Variants in ZNF804A observed in about 807,000 individuals in gnomAD.
ZNF804A encodes the protein zinc finger protein 804A.
Under a neutral mutation model 16.5 loss-of-function variants are expected in ZNF804A, and 2 were observed. That is an observed-to-expected ratio of 0.12 (90% confidence interval 0.05 to 0.38). The LOEUF is 0.38. ZNF804A is among the 10% of genes least tolerant of loss of function. The pLI is 0.99. For synonymous variants in ZNF804A, 534 were observed against 489.6 expected (o/e 1.09, Z -1.20); for missense variants, 1,473 against 1,390.7 (o/e 1.06, Z -0.94).
chr2:184,794,235 A>T (rs2369596), intron 1 of ZNF804A, among the ~76,000 whole-genome samples: 50,682 of 151,756 alleles, frequency 0.33, 11,836 homozygotes, highest in African/African-American at 0.67. Flanking sequence ...CAACATCTAA[A>T]TTTTTAATTT....
At chr2:184,827,455 T>TG in intron 1 of ZNF804A, among the ~76,000 whole-genome samples, 1 of 146,522 alleles carries the variant, frequency 6.8e-6, no homozygotes, top group South Asian at 2.1e-4. Context: ...TAAATATAAA[T>TG]ATATTTATAT....
chr2:184,745,324 C>T (rs1488352075), intron 1 of ZNF804A, among the ~76,000 whole-genome samples: 14 of 151,690 alleles, frequency 9.2e-5, no homozygotes, highest in Admixed American at 7.3e-4. Flanking sequence ...CTGGAACAAT[C>T]ATATGGATGG....
At chr2:184,851,865 C>G (rs1424048470) in intron 1 of ZNF804A, among the ~76,000 whole-genome samples, 1 of 151,564 alleles carries the variant, frequency 6.6e-6, no homozygotes, top group Non-Finnish European at 1.5e-5. Flanking sequence ...TTGTGTTTTG[C>G]TAACAGACAT....
Position 184,937,748 on chromosome 2 carries a change from T to C in ZNF804A, c.2352T>C (p.Ser784=). The part of the protein sequence containing the change: ...QHSHSYSSDE[S]LNRQNHLPEE... ...CACATTCTTATTCTTCAGATGAAAG[T>C]TTAAATCGACAGAATCATTTACCAG... Residue 784 remains serine (S), a synonymous_variant, in exon 4 of 4, where the codon AGT becomes AGC. Transcript: ENST00000302277. The C allele has an allele frequency of 6.2e-7, 1 of 1,614,042 alleles. No homozygotes were observed. The highest frequency in any genetic ancestry group is 8.5e-7 in the Non-Finnish European group (1 of 1,179,970).
intron 1 of ZNF804A, among the ~76,000 whole-genome samples, chr2:184,715,695 C>A (rs1213153262): frequency 6.6e-6 from 1 of 152,034 alleles, no homozygotes; most frequent in Admixed American, 6.6e-5. Flanking sequence ...GCTACTGTAC[C>A]CAGCCACATC....
At chr2:184,896,611 T>C (rs533185514) in intron 2 of ZNF804A, among the ~76,000 whole-genome samples, 1 of 152,176 alleles carries the variant, frequency 6.6e-6, no homozygotes, top group Non-Finnish European at 1.5e-5. Flanking sequence ...AATTTTCTTA[T>C]TTTGAAAACC....
chr2:184,619,686 G>T (rs77105334), intron 1 of ZNF804A, among the ~76,000 whole-genome samples: 74 of 152,006 alleles, frequency 4.9e-4, no homozygotes, highest in African/African-American at 1.7e-3. Context: ...TAAGTATCTA[G>T]CCAGAAGTTA....
chr2:184,629,230 G>T (rs191559298), intron 1 of ZNF804A, among the ~76,000 whole-genome samples: 378 of 152,056 alleles, frequency 2.5e-3, no homozygotes, highest in Non-Finnish European at 3.9e-3. Flanking sequence ...TCACTTTATT[G>T]TGTCTCTTGT....
chr2:184,918,127 C>A (rs1685479289), intron 2 of ZNF804A, among the ~76,000 whole-genome samples: 1 of 152,116 alleles, frequency 6.6e-6, no homozygotes, highest in Non-Finnish European at 1.5e-5. Context: ...CAGATATGAT[C>A]TTCCTTACCT....
chr2:184,741,811 G>C (rs1212997959), intron 1 of ZNF804A, among the ~76,000 whole-genome samples: 1 of 151,982 alleles, frequency 6.6e-6, no homozygotes, highest in Non-Finnish European at 1.5e-5. Context: ...GCTTTCCATT[G>C]TGATAAACTG....
intron 2 of ZNF804A, among the ~76,000 whole-genome samples, chr2:184,897,853 T>C (rs898950606): frequency 2.6e-5 from 4 of 152,080 alleles, no homozygotes; most frequent in African/African-American, 4.8e-5. Flanking sequence ...TTTAGGACGC[T>C]AGAGTATGGT....
intron 1 of ZNF804A, among the ~76,000 whole-genome samples, chr2:184,761,917 G>A (rs184305562): frequency 2.0e-5 from 3 of 152,170 alleles, no homozygotes; most frequent in Middle Eastern, 3.4e-3. Context: ...TAGAAATTAT[G>A]AAACTAAACT....
At chr2:184,738,063 G>T (rs932272736) in intron 1 of ZNF804A, among the ~76,000 whole-genome samples, 24 of 151,048 alleles carry the variant, frequency 1.6e-4, no homozygotes, top group Non-Finnish European at 3.1e-4. Context: ...GAGGCGGAGG[G>T]TGCAGTGAGC....
intron 2 of ZNF804A, among the ~76,000 whole-genome samples, chr2:184,925,620 C>A (rs186803337): frequency 1.3e-3 from 195 of 151,932 alleles, no homozygotes; most frequent in Non-Finnish European, 2.0e-3. Flanking sequence ...TCTCTTTCTT[C>A]TTTCTTTCCT....
intron 1 of ZNF804A, among the ~76,000 whole-genome samples, chr2:184,820,196 G>T (rs1695052116): frequency 6.6e-6 from 1 of 151,992 alleles, no homozygotes. Context: ...AAATCCAGCA[G>T]CACATAAAAA....
At chr2:184,772,654 G>A (rs1299297264) in intron 1 of ZNF804A, among the ~76,000 whole-genome samples, 1 of 151,550 alleles carries the variant, frequency 6.6e-6, no homozygotes, top group Non-Finnish European at 1.5e-5. Context: ...GGAATTTCTG[G>A]ATCATATGAC....
At chr2:184,875,237 CT>C (rs1237645772) in intron 2 of ZNF804A, among the ~76,000 whole-genome samples, 6 of 152,128 alleles carry the variant, frequency 3.9e-5, no homozygotes, top group Admixed American at 2.6e-4. Flanking sequence ...TATTTTTGCC[CT>C]TGGAATCTCA....
chr2:184,893,993 A>C (rs1268755837), intron 2 of ZNF804A, among the ~76,000 whole-genome samples: 2 of 152,172 alleles, frequency 1.3e-5, no homozygotes, highest in East Asian at 3.8e-4. Context: ...TGCACATAAA[A>C]TTCTTCTATA....
intron 2 of ZNF804A, among the ~76,000 whole-genome samples, chr2:184,929,185 C>T (rs1464035085): frequency 1.3e-5 from 2 of 152,114 alleles, no homozygotes; most frequent in Admixed American, 6.5e-5. Context: ...CCAGCCATGC[C>T]TGTCAGTCAC....
Sources: allele counts gnomAD v4.1 joint callset (sites outside exome capture counted in the v4.1 genomes callset), GRCh38; gene constraint gnomAD v4.1.1; transcripts MANE v1.5; gene names NCBI Gene and HGNC (gene_info 2026-07-23, HGNC 2026-07-21).